Variants in ASPM observed in about 807,000 individuals in gnomAD.
The protein encoded by ASPM is abnormal spindle-like microcephaly-associated protein.
Under a neutral mutation model 366.4 loss-of-function variants are expected in ASPM, and 256 were observed. The observed-to-expected ratio is 0.70, with a 90% CI of 0.63 to 0.77. The LOEUF (loss-of-function observed/expected upper bound fraction) is 0.77. Among genes scored for constraint, ASPM ranks in the 30% least tolerant of loss-of-function variants. ASPM has a pLI of 0.00. For missense variants in ASPM, 4,146 were observed against 4,090.4 expected (o/e 1.01, Z -0.37); for synonymous variants, 1,414 against 1,342.9 (o/e 1.05, Z -1.16).
At position 197,146,429 on chromosome 1, in the gene ASPM, G is replaced by T. The variant is rs373636557; in HGVS notation, c.9C>A (p.Asn3Lys). 1.9e-6 allele frequency: 3 copies of T among 1,607,746 alleles called. No homozygotes were observed. The highest frequency in any genetic ancestry group is 2.5e-6 in the Non-Finnish European group (3 of 1,179,528). The change falls in exon 1 of 28, where the codon AAC (asparagine) becomes AAA (lysine). Residue 3 changes from asparagine (N) to lysine (K), a missense_variant. Physicochemically the swap from Asn to Lys is moderately conservative, Grantham distance 94. Coordinates refer to ENST00000367409, the MANE Select transcript of ASPM (RefSeq NM_018136.5). ...CCCAGCAGCCTCGCCCCACTCGCCG[G>T]TTCGCCATGGCAGATTCGAGACCCC... MA[N>K]RRVGRGCWEV...
intron 1 of ASPM, among the ~76,000 whole-genome samples, chr1:197,144,973 CA>C (rs1380433347): frequency 1.3e-5 from 2 of 151,212 alleles, no homozygotes; most frequent in African/African-American, 4.9e-5. Flanking sequence ...CACATTATAA[CA>C]AAAAAGAGTA....
chr1:197,089,841 TA>T, intron 25 of ASPM, 88 bp downstream of exon 25: 2 of 1,238,742 alleles, frequency 1.6e-6, no homozygotes, highest in South Asian at 2.5e-5. Flanking sequence ...CTTAGAGATT[TA>T]AGCCCTAGTG....
In ASPM at chr1:197,090,350, A is replaced by T. The variant is rs748375299; in HGVS notation, c.9675T>A (p.Asp3225Glu). 6.2e-7 allele frequency: 1 copy of T among 1,611,998 alleles called. No individual in the cohort carries two copies. The highest frequency in any genetic ancestry group is 1.7e-5 in the Admixed American group (1 of 59,880). ...WRGYSWRKKNDCTKIKAIRLS... is the reference protein window; with the variant it reads ...WRGYSWRKKNECTKIKAIRLS... ...GTCGTATAGCTTTAATTTTTGTACA[A>T]TCATTTTTCTTCCTCCAAGAATAGC... Residue 3225 changes from aspartate (D) to glutamate (E), a missense_variant, in exon 24 of 28, where the codon GAT (aspartate) becomes GAA (glutamate). Physicochemically the swap from Asp to Glu is conservative, Grantham distance 45. Transcript: ENST00000367409.
Position 197,095,924 on chromosome 1 carries a change from G to C in ASPM, c.8987+74C>G, listed in dbSNP as rs146094264. Reference sequence around the variant, plus strand: ...TATTTAAAATAAAAATCAATAAGCAGTGTTATTTTATGTAAAGACTTAGCT... The same window carrying C: ...TATTTAAAATAAAAATCAATAAGCACTGTTATTTTATGTAAAGACTTAGCT... On this transcript the variant is annotated intron_variant, in intron 19 of 27. Coordinates refer to ENST00000367409, the MANE Select transcript of ASPM (RefSeq NM_018136.5). 269 of 1,258,768 alleles carry C rather than the reference G, an allele frequency of 2.1e-4. 1 individual carries two copies. The African/African-American group carries it at 3.2e-3, about 15-fold the overall frequency. The allele number at this position is 1,258,768 out of a possible 1,614,324, so 78.0% of individuals were successfully genotyped here.
intron 22 of ASPM, 105 bp from the exon 23 acceptor site, chr1:197,091,146 C>A: frequency 9.6e-7 from 1 of 1,038,144 alleles, no homozygotes; most frequent in Non-Finnish European, 1.4e-6. Context: ...AACAGTATAT[C>A]AAGAAATCTT....
intron 26 of ASPM, 42 bp downstream of exon 26, chr1:197,088,214 C>G (rs1402582087): frequency 1.3e-6 from 2 of 1,586,366 alleles, no homozygotes; most frequent in Non-Finnish European, 1.7e-6. Context: ...CTTAAGACCA[C>G]AGAAAAATAA....
Position 197,146,520 on chromosome 1 carries a change from C to A in ASPM, c.-83G>T. 6.6e-7 allele frequency: 1 copy of A among 1,504,732 alleles called. No homozygotes were observed. The highest frequency in any genetic ancestry group is 9.1e-7 in the Non-Finnish European group (1 of 1,103,366). 93.2% of individuals were successfully genotyped at this position (1,504,732 alleles called of 1,614,324 possible). A position where few individuals can be genotyped will look rare whatever the true frequency, so the allele number is the denominator to read the frequency against. On this transcript the variant is annotated 5_prime_UTR_variant, in exon 1 of 28. Transcript: ENST00000367409. Reference sequence around the variant, plus strand: ...AGCGGGGATCCGGGACTTACGCTGACCGCTTCCCCTCAGGGGCGGCTGTAG... The same window carrying A: ...AGCGGGGATCCGGGACTTACGCTGAACGCTTCCCCTCAGGGGCGGCTGTAG...
rs1305551139 is a variant in ASPM, at chr1:197,142,793, G to A, written c.1459C>T (p.Pro487Ser). 1.2e-6 allele frequency: 2 copies of A among 1,613,532 alleles called. No homozygotes were observed. The highest frequency in any genetic ancestry group is 1.1e-5 in the South Asian group (1 of 91,070). ...DISSHSHNKQ[P>S]KRRPILSATV... ...GCAGAAAGTATTGGACGTCTCTTAG[G>A]TTGTTTATTGTGGCTATGACTAGAA... is the stretch of plus-strand genomic sequence containing the variant. The change falls in exon 3 of 28, where the codon CCT becomes TCT. Residue 487 changes from proline (P) to serine (S), a missense_variant. Coordinates refer to ENST00000367409, the MANE Select transcript of ASPM (RefSeq NM_018136.5).
intron 4 of ASPM, chr1:197,139,301 C>T (rs939911227): frequency 1.8e-5 from 15 of 846,742 alleles, no homozygotes; most frequent in Non-Finnish European, 2.7e-5. Context: ...CAAAGGATAA[C>T]AGCCCATGTT....
chr1:197,119,700 T>C (rs558681381), intron 16 of ASPM, among the ~76,000 whole-genome samples: 5 of 152,242 alleles, frequency 3.3e-5, no homozygotes, highest in African/African-American at 1.2e-4. Context: ...GCCTCATATA[T>C]ATAGGGCCAA....
chr1:197,097,172 T>C (rs1656998362), intron 18 of ASPM, among the ~76,000 whole-genome samples: 1 of 151,792 alleles, frequency 6.6e-6, no homozygotes, highest in Non-Finnish European at 1.5e-5. Context: ...CCAGGCATTG[T>C]GAAGACTGTT....
chr1:197,123,107 G>A (rs1657970034), intron 13 of ASPM, among the ~76,000 whole-genome samples: 1 of 152,100 alleles, frequency 6.6e-6, no homozygotes, highest in South Asian at 2.1e-4. Flanking sequence ...ATTCACGCCT[G>A]CATTAAAATT....
chr1:197,113,996 A>T (rs1265195807), intron 17 of ASPM, among the ~76,000 whole-genome samples: 2 of 152,288 alleles, frequency 1.3e-5, no homozygotes, highest in East Asian at 3.9e-4. Flanking sequence ...GGTGGGTTTT[A>T]AATCTTTACA....
In ASPM at chr1:197,086,990, C is replaced by T; in HGVS notation, c.10162-18G>A. On this transcript the variant is annotated intron_variant, in intron 26 of 27. Transcript: ENST00000367409. ...CGTACATCCTACAAAATAAAATGCA[C>T]AGTTACTAAAAAGTAATAAGAATTA... 3.8e-6 allele frequency: 6 copies of T among 1,596,976 alleles called. No homozygotes were observed. The highest frequency in any genetic ancestry group is 5.1e-6 in the Non-Finnish European group (6 of 1,173,140).
intron 4 of ASPM, among the ~76,000 whole-genome samples, chr1:197,137,258 T>C (rs1354545468): frequency 6.6e-6 from 1 of 152,224 alleles, no homozygotes; most frequent in African/African-American, 2.4e-5. Flanking sequence ...GCATATAGCA[T>C]AGCTAATGTA....
intron 17 of ASPM, among the ~76,000 whole-genome samples, chr1:197,108,672 T>A (rs1366099500): frequency 6.6e-6 from 1 of 151,916 alleles, no homozygotes; most frequent in Non-Finnish European, 1.5e-5. Context: ...CCTATACAAA[T>A]TTAAAAAACA....
At chr1:197,128,397 G>A in intron 10 of ASPM, 93 bp downstream of exon 10, 1 of 1,259,700 alleles carries the variant, frequency 7.9e-7, no homozygotes, top group Non-Finnish European at 1.1e-6. Flanking sequence ...TGTACTACTT[G>A]AAAGAGCAAG....
At chr1:197,126,752 T>C (rs1035749499) in intron 10 of ASPM, among the ~76,000 whole-genome samples, 4 of 152,214 alleles carry the variant, frequency 2.6e-5, no homozygotes, top group Non-Finnish European at 4.4e-5. Flanking sequence ...CATGGAAATT[T>C]AGCCTAAAAG....
At position 197,122,025 on chromosome 1, in the gene ASPM, A is replaced by T. The variant is rs1657924969; in HGVS notation, c.3760T>A (p.Ser1254Thr). The part of the protein sequence containing the change: ...PDEKVVITYL[S>T]FLCARLLDLR... ...TCCAAAAGCCTTGCACAAAGAAATGACAAATAGGTAATAACCACCTAAAAA... is the reference window on the plus strand; with the variant it reads ...TCCAAAAGCCTTGCACAAAGAAATGTCAAATAGGTAATAACCACCTAAAAA... The change falls in exon 16 of 28, where the codon TCA becomes ACA. Residue 1254 changes from serine (S) to threonine (T), a missense_variant. Transcript: ENST00000367409. The T allele has an allele frequency of 1.2e-6, 2 of 1,612,484 alleles. No homozygotes were observed. Among genetic ancestry groups the T allele is most frequent in the Non-Finnish European group, 8.5e-7 (1 of 1,178,908 alleles).
Sources: allele counts gnomAD v4.1 joint callset (sites outside exome capture counted in the v4.1 genomes callset), GRCh38; gene constraint gnomAD v4.1.1; transcripts MANE v1.5; gene names NCBI Gene and HGNC (gene_info 2026-07-23, HGNC 2026-07-21).